Variants in LRRC4C observed in about 807,000 individuals in gnomAD.
LRRC4C encodes leucine rich repeat containing 4C, also known as leucine-rich repeat-containing protein 4C.
In LRRC4C, 5 loss-of-function variants were observed where a neutral mutation model predicts 33.6. That is an observed-to-expected ratio of 0.15 (90% CI 0.08 to 0.31). LRRC4C has a LOEUF of 0.31. LRRC4C is among the 10% of genes least tolerant of loss of function. The pLI is 1.00. For synonymous variants in LRRC4C, 329 were observed against 302.0 expected (o/e 1.09, Z -0.93); for missense variants, 560 against 796.7 (o/e 0.70, Z 3.58).
At chr11:40,857,378 G>A (rs971201456) in intron 2 of LRRC4C, among the ~76,000 whole-genome samples, 5 of 151,978 alleles carry the variant, frequency 3.3e-5, no homozygotes, top group South Asian at 2.1e-4. Context: ...GCCCCAGTGC[G>A]TGTTGTTCCC....
chr11:40,469,820 C>T (rs970543704), intron 3 of LRRC4C, among the ~76,000 whole-genome samples: 8 of 152,198 alleles, frequency 5.3e-5, no homozygotes, highest in Non-Finnish European at 1.0e-4. Flanking sequence ...TGTAGCCAGA[C>T]TGCCTCTCTA....
Position 40,123,816 on chromosome 11 carries a change from T to A in LRRC4C, c.-42-7482A>T, listed in dbSNP as rs558099169. Reference sequence around the variant, plus strand: ...AACAAAAAGAACAAAACTGGAGGAATCTCATTACCTAACTTCAAATTATAC... The same window carrying A: ...AACAAAAAGAACAAAACTGGAGGAAACTCATTACCTAACTTCAAATTATAC... On this transcript the variant is annotated intron_variant, in intron 6 of 6. Coordinates refer to ENST00000528697, the MANE Select transcript of LRRC4C (RefSeq NM_001258419.2). 3.9e-5 allele frequency among the ~76,000 whole-genome samples: 6 copies of A among 152,170 alleles called. No homozygotes were observed. The South Asian group carries it at 1.2e-3, about 32-fold the overall frequency.
At chr11:41,148,388 C>T (rs1363612004) in intron 1 of LRRC4C, among the ~76,000 whole-genome samples, 1 of 151,760 alleles carries the variant, frequency 6.6e-6, no homozygotes, top group African/African-American at 2.4e-5. Flanking sequence ...AAGGCCTTAT[C>T]TAAATAAGTA....
intron 2 of LRRC4C, among the ~76,000 whole-genome samples, chr11:40,870,192 T>C (rs1389135146): frequency 6.6e-6 from 1 of 152,150 alleles, no homozygotes; most frequent in Non-Finnish European, 1.5e-5. Flanking sequence ...ATATTATTAA[T>C]AGTCTTTTTA....
intron 1 of LRRC4C, among the ~76,000 whole-genome samples, chr11:41,318,068 T>C (rs1488570865): frequency 1.3e-5 from 2 of 152,094 alleles, no homozygotes; most frequent in East Asian, 1.9e-4. Context: ...AAAAATAATA[T>C]TGAACAACAT....
chr11:41,048,754 C>T (rs912001538), intron 1 of LRRC4C, among the ~76,000 whole-genome samples: 5 of 152,178 alleles, frequency 3.3e-5, no homozygotes, highest in African/African-American at 1.2e-4. Context: ...TTTATTCCTT[C>T]ATTCTCCATA....
chr11:40,428,062 C>T (rs1187292652), intron 3 of LRRC4C, among the ~76,000 whole-genome samples: 2 of 152,092 alleles, frequency 1.3e-5, no homozygotes, highest in Non-Finnish European at 2.9e-5. Context: ...AGAATTGCTT[C>T]CTTCTAAAAA....
intron 1 of LRRC4C, among the ~76,000 whole-genome samples, chr11:41,326,765 A>G (rs1951132604): frequency 6.6e-6 from 1 of 152,166 alleles, no homozygotes; most frequent in Non-Finnish European, 1.5e-5. Flanking sequence ...CAGTCCTAAC[A>G]TGTTGCAGTG....
At chr11:41,033,574 T>C (rs1196331676) in intron 1 of LRRC4C, among the ~76,000 whole-genome samples, 1 of 151,966 alleles carries the variant, frequency 6.6e-6, no homozygotes, top group East Asian at 1.9e-4. Context: ...ATCCTCTGAG[T>C]CCCAGACAAA....
At chr11:40,286,946 C>T (rs1370716160) in intron 4 of LRRC4C, among the ~76,000 whole-genome samples, 1 of 152,132 alleles carries the variant, frequency 6.6e-6, no homozygotes, top group African/African-American at 2.4e-5. Flanking sequence ...TCACTGAATA[C>T]TATGGGATTC....
At chr11:41,290,625 A>G (rs1949965118) in intron 1 of LRRC4C, among the ~76,000 whole-genome samples, 1 of 152,152 alleles carries the variant, frequency 6.6e-6, no homozygotes, top group Non-Finnish European at 1.5e-5. Flanking sequence ...ATTTCAATAT[A>G]ACACTAGAAA....
intron 1 of LRRC4C, among the ~76,000 whole-genome samples, chr11:41,387,102 C>A (rs1013971826): frequency 9.2e-5 from 14 of 151,700 alleles, no homozygotes; most frequent in African/African-American, 3.4e-4. Flanking sequence ...TGACTATATG[C>A]AAAGCAGGCT....
chr11:41,233,371 A>G (rs1947884026), intron 1 of LRRC4C, among the ~76,000 whole-genome samples: 1 of 152,142 alleles, frequency 6.6e-6, no homozygotes, highest in South Asian at 2.1e-4. Context: ...AAAACCTGAG[A>G]AAGTCTTGAC....
At chr11:40,252,797 T>C (rs1301466664) in intron 4 of LRRC4C, among the ~76,000 whole-genome samples, 3 of 152,220 alleles carry the variant, frequency 2.0e-5, no homozygotes, top group Non-Finnish European at 2.9e-5. Context: ...AATCCATATA[T>C]ATGGCATATT....
chr11:41,302,758 G>C (rs1950321133), intron 1 of LRRC4C, among the ~76,000 whole-genome samples: 1 of 152,168 alleles, frequency 6.6e-6, no homozygotes, highest in Non-Finnish European at 1.5e-5. Flanking sequence ...TTGAGCCAGA[G>C]ATTCTAAGTT....
At position 41,415,332 on chromosome 11, in the gene LRRC4C, G is replaced by T. The variant is rs538344593; in HGVS notation, c.-496+44099C>A. Among the ~76,000 whole-genome samples, 5 of 152,246 alleles carry T rather than the reference G, an allele frequency of 3.3e-5. No homozygotes were observed. In the South Asian group the frequency reaches 1.0e-3, roughly 32 times the overall value. Reference sequence around the variant, plus strand: ...AGATAGTCCAGGGAGTGAATGGACAGAAGGTTTGAGGTTTGCCTCTTCATA... The same window carrying T: ...AGATAGTCCAGGGAGTGAATGGACATAAGGTTTGAGGTTTGCCTCTTCATA... On this transcript the variant is annotated intron_variant, in intron 1 of 6. Transcript: ENST00000528697.
chr11:41,281,100 T>TCA (rs1175293888), intron 1 of LRRC4C, among the ~76,000 whole-genome samples: 180 of 113,562 alleles, frequency 1.6e-3, no homozygotes, highest in South Asian at 7.0e-3. Flanking sequence ...TCTCTCTCTC[T>TCA]CTCTCACACA....
intron 5 of LRRC4C, among the ~76,000 whole-genome samples, chr11:40,187,320 T>C (rs937861458): frequency 3.3e-5 from 5 of 151,088 alleles, no homozygotes; most frequent in African/African-American, 1.2e-4. Context: ...GGGAGAAAAT[T>C]TTCTTTCTTT....
At chr11:41,201,921 AACACACACACAC>A (rs72276649) in intron 1 of LRRC4C, among the ~76,000 whole-genome samples, 1 of 150,748 alleles carries the variant, frequency 6.6e-6, no homozygotes, top group Non-Finnish European at 1.5e-5. Context: ...CACACACACA[AACACACACACAC>A]ACACACACAC....
Sources: gnomAD v4.1 joint callset for allele counts (sites outside exome capture counted in the v4.1 genomes callset) on GRCh38, gnomAD v4.1.1 for gene constraint, MANE v1.5 for transcripts, NCBI Gene and HGNC (gene_info 2026-07-23, HGNC 2026-07-21) for gene names.